PRELID2: variants seen among roughly 807,000 people sequenced by gnomAD.
PRELID2 encodes PRELI domain-containing protein 2.
A neutral mutation model predicts 28.4 loss-of-function variants in PRELID2; 25 were observed. The observed-to-expected ratio is 0.88, with a 90% CI of 0.64 to 1.23. PRELID2 has a LOEUF of 1.23. Among genes scored for constraint, PRELID2 ranks in the 50% most tolerant of loss-of-function variants. The pLI, the probability that PRELID2 is intolerant of heterozygous loss-of-function variation, is 0.00. For missense variants in PRELID2, 201 were observed against 214.4 expected (o/e 0.94, Z 0.39); for synonymous variants, 76 against 71.6 (o/e 1.06, Z -0.31).
At chr5:145,639,189 G>T (rs1158533680) in intron 1 of PRELID2, among the ~76,000 whole-genome samples, 1 of 152,148 alleles carries the variant, frequency 6.6e-6, no homozygotes, top group Non-Finnish European at 1.5e-5. Flanking sequence ...AAAACCTATT[G>T]CATATATAAT....
chr5:145,459,772 T>A, the PRELID2 span, among the ~76,000 whole-genome samples: 2 of 151,900 alleles, frequency 1.3e-5, no homozygotes, highest in Non-Finnish European at 2.9e-5. Flanking sequence ...TATAGTTTCC[T>A]AAATAGAATT....
At chr5:145,312,110 C>A in the PRELID2 span, among the ~76,000 whole-genome samples, 1 of 151,840 alleles carries the variant, frequency 6.6e-6, no homozygotes, top group Admixed American at 6.6e-5. Context: ...TTTTGGGAGG[C>A]CAAGGTTGAT....
chr5:145,376,648 C>T, the PRELID2 span, among the ~76,000 whole-genome samples: 1 of 152,092 alleles, frequency 6.6e-6, no homozygotes, highest in East Asian at 1.9e-4. Flanking sequence ...GCAATTTATC[C>T]ATTTCTTCTA....
At chr5:145,657,565 G>T (rs958753286) in intron 1 of PRELID2, among the ~76,000 whole-genome samples, 4 of 152,086 alleles carry the variant, frequency 2.6e-5, no homozygotes, top group Non-Finnish European at 4.4e-5. Context: ...CGCACCTGTG[G>T]TCCTAGCTAC....
At chr5:145,252,603 G>T in the PRELID2 span, among the ~76,000 whole-genome samples, 23 of 152,214 alleles carry the variant, frequency 1.5e-4, no homozygotes, top group African/African-American at 5.3e-4. Context: ...ACTGTAAGGT[G>T]TTAATGTGCT....
At chr5:145,577,256 C>G (rs989515838) in intron 1 of PRELID2, among the ~76,000 whole-genome samples, 3 of 152,034 alleles carry the variant, frequency 2.0e-5, no homozygotes, top group Admixed American at 1.3e-4. Context: ...GTTATCAGCC[C>G]TAAAGAAATG....
intron 1 of PRELID2, among the ~76,000 whole-genome samples, chr5:145,596,426 G>T (rs1230567274): frequency 6.6e-6 from 1 of 152,004 alleles, no homozygotes; most frequent in Non-Finnish European, 1.5e-5. Context: ...TTAGGGGAGT[G>T]GTTCTACTAG....
intron 5 of PRELID2, among the ~76,000 whole-genome samples, chr5:145,785,736 C>G (rs767426454): frequency 6.6e-6 from 1 of 152,186 alleles, no homozygotes. Context: ...ACTTAAGATA[C>G]GTGGATTAGC....
At chr5:145,472,483 T>G (rs1752063754) in intron 2 of PRELID2, among the ~76,000 whole-genome samples, 1 of 152,276 alleles carries the variant, frequency 6.6e-6, no homozygotes, top group Admixed American at 6.5e-5. Context: ...CAGTTTATAC[T>G]AATTACATTA....
At chr5:145,723,361 G>C (rs550449365) in intron 1 of PRELID2, among the ~76,000 whole-genome samples, 16 of 152,266 alleles carry the variant, frequency 1.1e-4, no homozygotes, top group Middle Eastern at 3.4e-3. Flanking sequence ...TGGGTGCACA[G>C]ACCAGGACTA....
chr5:145,799,888 T>G (rs1753013747), intron 4 of PRELID2, among the ~76,000 whole-genome samples: 1 of 152,194 alleles, frequency 6.6e-6, no homozygotes, highest in African/African-American at 2.4e-5. Flanking sequence ...CCTTAATGCT[T>G]TTAGGCAATC....
chr5:145,233,831 A>G, the PRELID2 span, among the ~76,000 whole-genome samples: 265 of 152,316 alleles, frequency 1.7e-3, 1 homozygote, highest in Non-Finnish European at 3.0e-3. Context: ...CCTAAGCATT[A>G]TGTATAATTA....
intron 1 of PRELID2, among the ~76,000 whole-genome samples, chr5:145,744,841 A>G (rs868706187): frequency 5.3e-5 from 8 of 152,076 alleles, no homozygotes; most frequent in Non-Finnish European, 1.2e-4. Flanking sequence ...GCAAGGGTGC[A>G]TAATTGGACA....
chr5:145,631,166 C>A (rs1045810784), intron 1 of PRELID2, among the ~76,000 whole-genome samples: 1 of 152,134 alleles, frequency 6.6e-6, no homozygotes, highest in Non-Finnish European at 1.5e-5. Flanking sequence ...TAGAACTTCT[C>A]GAGAAAATGT....
chr5:145,790,411 T>A (rs1270162801), intron 5 of PRELID2, among the ~76,000 whole-genome samples: 2 of 152,040 alleles, frequency 1.3e-5, no homozygotes, highest in African/African-American at 4.8e-5. Flanking sequence ...ATACCTCATA[T>A]GTAAAATCTA....
downstream of PRELID2, among the ~76,000 whole-genome samples, chr5:145,467,066 C>A (rs1298419999): frequency 6.6e-6 from 1 of 152,142 alleles, no homozygotes; most frequent in East Asian, 1.9e-4. Context: ...ACGAGCATCT[C>A]CCAGGAGTAT....
intron 5 of PRELID2, among the ~76,000 whole-genome samples, chr5:145,787,255 A>C (rs1184080477): frequency 2.0e-5 from 3 of 152,250 alleles, no homozygotes; most frequent in African/African-American, 7.2e-5. Context: ...AGGCTAAAAA[A>C]AGAATGCTTG....
At chr5:145,409,135 G>T in the PRELID2 span, among the ~76,000 whole-genome samples, 2 of 152,102 alleles carry the variant, frequency 1.3e-5, no homozygotes, top group Admixed American at 6.6e-5. Flanking sequence ...CATAAATGAA[G>T]GAAATATAAG....
rs34833967 is a variant in PRELID2, at chr5:145,676,220, CAAAAAAAAAAA to C, written n.70+88700_70+88710del. The stretch of plus-strand genomic sequence containing the variant: ...GGGCAACAAGAGCGAAACTCCATCT[CAAAAAAAAAAA>C]AAAAAAAAAAATAATGTGTCTCATT... On this transcript the variant is annotated intron_variant and non_coding_transcript_variant, in intron 1 of 2. Transcript: ENST00000510259. Among the ~76,000 whole-genome samples the C allele has an allele frequency of 7.4e-3, 397 of 53,624 alleles. 5 individuals are homozygous for C. Among genetic ancestry groups the C allele is most frequent in the African/African-American group, 0.022 (368 of 16,630 alleles). 35.2% of individuals were successfully genotyped at this position (53,624 alleles called of 152,430 possible).
Sources: allele counts gnomAD v4.1 joint callset (sites outside exome capture counted in the v4.1 genomes callset), GRCh38; gene constraint gnomAD v4.1.1; transcripts MANE v1.5; gene names NCBI Gene and HGNC (gene_info 2026-07-23, HGNC 2026-07-21).